PLD5: variants seen among roughly 807,000 people sequenced by gnomAD.
PLD5 encodes phospholipase D family member 5, also known as inactive phospholipase D5.
PLD5 carries 36 observed loss-of-function variants against 61.1 expected under a neutral mutation model. That is an observed-to-expected ratio of 0.59 (90% CI 0.45 to 0.78). The LOEUF (loss-of-function observed/expected upper bound fraction) is 0.78. Among genes scored for constraint, PLD5 ranks in the 30% least tolerant of loss-of-function variants. PLD5 has a pLI of 0.00. For missense variants in PLD5, 515 were observed against 644.4 expected, an observed-to-expected ratio of 0.80 and a Z score of 2.17; for synonymous variants, 243 against 242.8, an observed-to-expected ratio of 1.00 and a Z score of -0.01.
At chr1:242,435,124 G>A (rs1422801935) in intron 1 of PLD5, among the ~76,000 whole-genome samples, 1 of 151,878 alleles carries the variant, frequency 6.6e-6, no homozygotes, top group Non-Finnish European at 1.5e-5. Context: ...CAAAAAGTCT[G>A]AACACACAGT....
intron 5 of PLD5, among the ~76,000 whole-genome samples, chr1:242,196,299 T>G (rs1484968586): frequency 6.6e-6 from 1 of 152,232 alleles, no homozygotes; most frequent in Non-Finnish European, 1.5e-5. Context: ...CCTCACGCGC[T>G]GTCGGTACAT....
chr1:242,095,035 C>G (rs1660114563), intron 9 of PLD5, among the ~76,000 whole-genome samples: 1 of 151,882 alleles, frequency 6.6e-6, no homozygotes, highest in South Asian at 2.1e-4. Context: ...CTCCCAGGTT[C>G]AAGCGATCCT....
chr1:242,321,356 T>C (rs977219883), intron 2 of PLD5, among the ~76,000 whole-genome samples: 4 of 151,670 alleles, frequency 2.6e-5, no homozygotes, highest in African/African-American at 4.8e-5. Flanking sequence ...CAGGCTGGAG[T>C]ACAATGGCAT....
chr1:242,400,381 C>T (rs1036367407), intron 1 of PLD5, among the ~76,000 whole-genome samples: 3 of 151,636 alleles, frequency 2.0e-5, no homozygotes, highest in Non-Finnish European at 2.9e-5. Flanking sequence ...ACTATTCAGG[C>T]TTAAGGAAGG....
chr1:242,410,557 G>T (rs2149288168), intron 1 of PLD5, among the ~76,000 whole-genome samples: 1 of 152,100 alleles, frequency 6.6e-6, no homozygotes, highest in Non-Finnish European at 1.5e-5. Context: ...ATTTCAAAAT[G>T]CTATTTTCTA....
chr1:242,340,840 AGGAGG>A (rs1659788641), intron 2 of PLD5, among the ~76,000 whole-genome samples: 2 of 152,160 alleles, frequency 1.3e-5, no homozygotes, highest in Non-Finnish European at 2.9e-5. Flanking sequence ...GGAAGAGGGA[AGGAGG>A]GAGGGAGAAG....
chr1:242,517,463 C>G lies in PLD5; in HGVS notation c.189+6625G>C, dbSNP rs61150845. ...AATTGTATGGTCTTACTCTTTTATC[C>G]TATTAATATGATAAAATATAGTAAT... On this transcript the variant is annotated intron_variant, in intron 1 of 9. Transcript: ENST00000536534. Among the ~76,000 whole-genome samples, 1,195 of 152,220 alleles carry G rather than the reference C, an allele frequency of 7.9e-3. 20 individuals carry two copies. The highest frequency in any genetic ancestry group is 0.028 in the African/African-American group (1,156 of 41,546).
At chr1:242,109,155 T>G (rs894109968) in intron 7 of PLD5, among the ~76,000 whole-genome samples, 2 of 152,220 alleles carry the variant, frequency 1.3e-5, no homozygotes, top group Non-Finnish European at 2.9e-5. Flanking sequence ...GTGATCCATC[T>G]AAAGCAGACC....
At chr1:242,436,927 G>A (rs912584986) in intron 1 of PLD5, among the ~76,000 whole-genome samples, 4 of 152,108 alleles carry the variant, frequency 2.6e-5, no homozygotes, top group African/African-American at 4.8e-5. Context: ...GAAGCCTCTT[G>A]GAATTATGGA....
intron 1 of PLD5, among the ~76,000 whole-genome samples, chr1:242,517,462 C>T (rs1397206448): frequency 6.6e-6 from 1 of 152,070 alleles, no homozygotes; most frequent in East Asian, 1.9e-4. Context: ...ACTCTTTTAT[C>T]CTATTAATAT....
chr1:242,483,000 G>A (rs951105516), intron 1 of PLD5, among the ~76,000 whole-genome samples: 2 of 152,148 alleles, frequency 1.3e-5, no homozygotes, highest in African/African-American at 2.4e-5. Flanking sequence ...TTACAGACAA[G>A]CAAATGCTGA....
At chr1:242,319,172 T>C (rs1051453939) in intron 2 of PLD5, among the ~76,000 whole-genome samples, 3 of 152,104 alleles carry the variant, frequency 2.0e-5, no homozygotes, top group African/African-American at 7.2e-5. Context: ...AAGACAATAC[T>C]GAATCACCCA....
chr1:242,464,598 G>C (rs1247821665), intron 1 of PLD5, among the ~76,000 whole-genome samples: 1 of 152,158 alleles, frequency 6.6e-6, no homozygotes, highest in Admixed American at 6.5e-5. Context: ...GAAACAGTTT[G>C]GAAGTTCCTC....
intron 1 of PLD5, among the ~76,000 whole-genome samples, chr1:242,387,738 TATATATG>T (rs1662682634): frequency 6.7e-6 from 1 of 148,794 alleles, no homozygotes; most frequent in South Asian, 2.1e-4. Flanking sequence ...TTATCTATTT[TATATATG>T]ATATATATCA....
At chr1:242,445,818 C>A (rs2102915621) in intron 1 of PLD5, among the ~76,000 whole-genome samples, 1 of 143,112 alleles carries the variant, frequency 7.0e-6, no homozygotes, top group African/African-American at 2.6e-5. Context: ...TTGCTTTACT[C>A]TTCCACATTT....
At chr1:242,289,306 AT>A (rs1675216260) in intron 2 of PLD5, among the ~76,000 whole-genome samples, 1 of 151,962 alleles carries the variant, frequency 6.6e-6, no homozygotes, top group Non-Finnish European at 1.5e-5. Context: ...GGAATGAGCT[AT>A]TTTTTCCAGC....
At chr1:242,450,252 A>T (rs535467101) in intron 1 of PLD5, among the ~76,000 whole-genome samples, 2 of 152,346 alleles carry the variant, frequency 1.3e-5, no homozygotes, top group South Asian at 4.1e-4. Flanking sequence ...AATAGTACAC[A>T]TAAGCAAAAA....
chr1:242,254,961 A>G (rs1234812122), intron 4 of PLD5, among the ~76,000 whole-genome samples: 2 of 152,210 alleles, frequency 1.3e-5, no homozygotes, highest in Non-Finnish European at 1.5e-5. Context: ...CGTATAGGAC[A>G]AAGGCAGCAG....
At chr1:242,097,099 A>G (rs1660308671) in intron 9 of PLD5, among the ~76,000 whole-genome samples, 1 of 152,196 alleles carries the variant, frequency 6.6e-6, no homozygotes, top group Admixed American at 6.5e-5. Flanking sequence ...TTATGGCTGC[A>G]TAGCATTCCA....
Sources: allele counts gnomAD v4.1 joint callset (sites outside exome capture counted in the v4.1 genomes callset), GRCh38; gene constraint gnomAD v4.1.1; transcripts MANE v1.5; gene names NCBI Gene and HGNC (gene_info 2026-07-23, HGNC 2026-07-21).